Variants in DHRSX observed in about 807,000 individuals in gnomAD.
DHRSX encodes polyprenol dehydrogenase.
A neutral mutation model predicts 34.0 loss-of-function variants in DHRSX; 31 were observed. The observed-to-expected ratio is 0.91, with a 90% confidence interval of 0.69 to 1.23. The LOEUF is 1.23. DHRSX is among the 50% of genes most tolerant of loss of function. The pLI, the probability that DHRSX is intolerant of heterozygous loss-of-function variation, is 0.00. For synonymous variants in DHRSX, 201 were observed against 183.8 expected (o/e 1.09, Z -0.76); for missense variants, 414 against 428.1 (o/e 0.97, Z 0.29).
chrX:2,450,845 A>G (rs1189969530), intron 1 of DHRSX, among the ~76,000 whole-genome samples: 2 of 151,990 alleles, frequency 1.3e-5, no homozygotes, highest in African/African-American at 4.8e-5. Context: ...CCTCACCCCT[A>G]AGACAATGGA....
At chrX:2,353,583 C>T (rs1377820373) in intron 3 of DHRSX, among the ~76,000 whole-genome samples, 7 of 105,828 alleles carry the variant, frequency 6.6e-5, no homozygotes, top group Non-Finnish European at 1.3e-4. Context: ...TAGCTGATTG[C>T]ATTTTTTTTT....
chrX:2,412,395 A>G (rs775892759), intron 2 of DHRSX, among the ~76,000 whole-genome samples: 3 of 152,102 alleles, frequency 2.0e-5, no homozygotes, highest in Admixed American at 2.0e-4. Context: ...GGTTTTTTTC[A>G]CATCTTAGGA....
rs986324112 is a variant in DHRSX, at chrX:2,403,252, G to C, written c.286+5493C>G. The stretch of plus-strand genomic sequence containing the variant: ...GTCACCCTTTTGTGCTATCAAATAC[G>C]AGACCTTACTCATTCTATCTAAAGT... On this transcript the variant is annotated intron_variant, in intron 3 of 6. Transcript: ENST00000334651. Among the ~76,000 whole-genome samples, 3 of 152,050 alleles carry C rather than the reference G, an allele frequency of 2.0e-5. No individual in the cohort carries two copies. In the East Asian group the frequency reaches 5.8e-4, roughly 29 times the overall value.
At chrX:2,276,560 T>C (rs1321591444) in intron 4 of DHRSX, among the ~76,000 whole-genome samples, 1 of 152,142 alleles carries the variant, frequency 6.6e-6, no homozygotes. Flanking sequence ...CATTGGTCTG[T>C]GCACCTAATG....
In DHRSX at chrX:2,432,850, G is replaced by C. The variant is rs191558702; in HGVS notation, c.110-7546C>G. 4.3e-3 allele frequency among the ~76,000 whole-genome samples: 661 copies of C among 152,296 alleles called. 1 individual carries two copies. Among genetic ancestry groups the C allele is most frequent in the African/African-American group, 0.015 (636 of 41,576 alleles). ...ACTACTTGTTTAAAAAACAGGCCGG[G>C]CAGTGGCTCATGCCTGTAATCCCAG... On this transcript the variant is annotated intron_variant, in intron 1 of 6. Coordinates refer to ENST00000334651, the MANE Select transcript of DHRSX (RefSeq NM_145177.3).
intron 3 of DHRSX, among the ~76,000 whole-genome samples, chrX:2,405,609 G>T (rs2043543121): frequency 6.6e-6 from 1 of 151,972 alleles, no homozygotes; most frequent in Admixed American, 6.6e-5. Flanking sequence ...AGTTCAAGAT[G>T]AACCTGGGCA....
chrX:2,245,589 C>T (rs1451461233), intron 5 of DHRSX, among the ~76,000 whole-genome samples: 23 of 150,716 alleles, frequency 1.5e-4, no homozygotes, highest in Admixed American at 2.0e-4. Flanking sequence ...GGATTACAGG[C>T]GTGAGCCACC....
At chrX:2,349,769 A>AG (rs2042764435) in intron 3 of DHRSX, among the ~76,000 whole-genome samples, 1 of 152,098 alleles carries the variant, frequency 6.6e-6, no homozygotes, top group Non-Finnish European at 1.5e-5. Flanking sequence ...GGGCTGAGCA[A>AG]GGTGGCTCAC....
intron 1 of DHRSX, chrX:2,488,991 A>C: frequency 6.2e-7 from 1 of 1,606,382 alleles, no homozygotes; most frequent in Non-Finnish European, 8.5e-7. Flanking sequence ...ACCTTCTGGG[A>C]CTTGAAGTTG....
In DHRSX at chrX:2,357,665, G is replaced by A. The variant is rs189560178; in HGVS notation, c.286+51080C>T. Among the ~76,000 whole-genome samples, 14 of 145,778 alleles carry A rather than the reference G, an allele frequency of 9.6e-5. No homozygotes were observed. The South Asian group carries it at 1.9e-3, about 20-fold the overall frequency. On this transcript the variant is annotated intron_variant, in intron 3 of 6. Transcript: ENST00000334651. ...AACCCTAGACCCGATATGGGAAAAC[G>A]AGATTTGTCTCAAACACTTTGGGAC...
intron 1 of DHRSX, among the ~76,000 whole-genome samples, chrX:2,479,702 C>A (rs772054641): frequency 6.6e-6 from 1 of 151,976 alleles, no homozygotes; most frequent in Admixed American, 6.5e-5. Flanking sequence ...GAAGACATTC[C>A]CTAAGAATGT....
chrX:2,489,616 C>A, intron 1 of DHRSX: 1 of 1,612,732 alleles, frequency 6.2e-7, no homozygotes. Flanking sequence ...CGATGACGAA[C>A]TGCTGCTCCT....
chrX:2,229,944 T>C (rs755134617), intron 6 of DHRSX, among the ~76,000 whole-genome samples: 46 of 152,306 alleles, frequency 3.0e-4, no homozygotes, highest in African/African-American at 1.1e-3. Flanking sequence ...CATGTGAATA[T>C]GTGCATGTGT....
intron 3 of DHRSX, among the ~76,000 whole-genome samples, chrX:2,306,671 C>T (rs1569486188): frequency 6.6e-6 from 1 of 152,104 alleles, no homozygotes; most frequent in African/African-American, 2.4e-5. Flanking sequence ...ATCTTTTTGA[C>T]GCACTGCTGG....
At chrX:2,429,307 TGTGTGTCTGTGTGTGG>T (rs1356121145) in intron 1 of DHRSX, among the ~76,000 whole-genome samples, 1 of 152,122 alleles carries the variant, frequency 6.6e-6, no homozygotes, top group African/African-American at 2.4e-5. Context: ...TATGTATACA[TGTGTGTCTGTGTGTGG>T]GTGTGTCTGT....
chrX:2,453,145 A>G (rs2044248394), intron 1 of DHRSX, among the ~76,000 whole-genome samples: 1 of 152,212 alleles, frequency 6.6e-6, no homozygotes, highest in South Asian at 2.1e-4. Context: ...ATATCATCGC[A>G]TATGTAGAAT....
intron 1 of DHRSX, among the ~76,000 whole-genome samples, chrX:2,476,791 G>A (rs1432755095): frequency 6.6e-6 from 1 of 152,134 alleles, no homozygotes; most frequent in Non-Finnish European, 1.5e-5. Context: ...ATTACCTGAG[G>A]TCGGGAGTTC....
chrX:2,266,437 T>G (rs2041473273), intron 5 of DHRSX, among the ~76,000 whole-genome samples: 1 of 141,442 alleles, frequency 7.1e-6, no homozygotes, highest in Non-Finnish European at 1.5e-5. Flanking sequence ...AGAGCACCAG[T>G]GCTCGGCAGA....
chrX:2,441,947 G>A (rs562436251), intron 1 of DHRSX, among the ~76,000 whole-genome samples: 49 of 152,160 alleles, frequency 3.2e-4, no homozygotes, highest in East Asian at 2.1e-3. Context: ...GGTGGCGTGC[G>A]CCTGTAGGCC....
Sources: allele counts gnomAD v4.1 joint callset (sites outside exome capture counted in the v4.1 genomes callset), GRCh38; gene constraint gnomAD v4.1.1; transcripts MANE v1.5; gene names NCBI Gene and HGNC (gene_info 2026-07-23, HGNC 2026-07-21).